The following USH2A variants were observed in gnomAD, a reference collection of about 807,000 sequenced individuals.
USH2A encodes the protein usherin.
USH2A carries 443 observed loss-of-function variants against 538.9 expected under a neutral mutation model. The observed-to-expected ratio is 0.82, with a 90% CI of 0.76 to 0.89. The LOEUF (loss-of-function observed/expected upper bound fraction) is 0.89, where lower values mean the gene tolerates loss of function less well. USH2A is among the 40% of genes least tolerant of loss of function. The pLI, the probability that USH2A is intolerant of heterozygous loss-of-function variation, is 0.00. For missense variants in USH2A, 6,633 were observed against 6,324.8 expected, an observed-to-expected ratio of 1.05 and a Z score of -1.65; for synonymous variants, 2,413 against 2,273.5, an observed-to-expected ratio of 1.06 and a Z score of -1.75.
At chr1:216,175,131 G>A in intron 21 of USH2A, 121 bp downstream of exon 21, 1 of 1,526,446 alleles carries the variant, frequency 6.6e-7, no homozygotes, top group South Asian at 1.2e-5. Flanking sequence ...AGCTATCAAA[G>A]GGCTGAATTA....
At chr1:216,193,568 A>C (rs2102454566) in intron 19 of USH2A, among the ~76,000 whole-genome samples, 1 of 152,178 alleles carries the variant, frequency 6.6e-6, no homozygotes, top group African/African-American at 2.4e-5. Flanking sequence ...TTGCAGATGT[A>C]ATTAATTAGT....
rs563152137 is a variant in USH2A, at chr1:216,316,695, C to G, written c.1644+5188G>C. Among the ~76,000 whole-genome samples the G allele has an allele frequency of 2.0e-5, 3 of 152,092 alleles. No homozygotes were observed. The East Asian group carries it at 5.8e-4, about 29-fold the overall frequency. On this transcript the variant is annotated intron_variant, in intron 9 of 71. Coordinates refer to ENST00000307340, the MANE Select transcript of USH2A (RefSeq NM_206933.4). Reference sequence around the variant, plus strand: ...TAATCGCCATTCTGACTGGCATGAGCTGGTATCTCATTGTGGTTTTGATAT... The same window carrying G: ...TAATCGCCATTCTGACTGGCATGAGGTGGTATCTCATTGTGGTTTTGATAT...
chr1:215,737,781 G>A (rs1027713032), intron 60 of USH2A, among the ~76,000 whole-genome samples: 9 of 151,978 alleles, frequency 5.9e-5, no homozygotes, highest in East Asian at 1.9e-4. Context: ...TTCAATGCTC[G>A]TCTTTTCTTA....
chr1:215,838,949 C>G (rs1663602701), intron 46 of USH2A, among the ~76,000 whole-genome samples: 1 of 152,160 alleles, frequency 6.6e-6, no homozygotes, highest in South Asian at 2.1e-4. Flanking sequence ...GAATCTTAAA[C>G]ATTAATTCCG....
chr1:216,189,322 G>A (rs573601719), intron 20 of USH2A, among the ~76,000 whole-genome samples: 1 of 152,034 alleles, frequency 6.6e-6, no homozygotes, highest in Non-Finnish European at 1.5e-5. Flanking sequence ...AAGGGATTTG[G>A]GGAGGAGGTC....
intron 38 of USH2A, among the ~76,000 whole-genome samples, chr1:215,909,516 G>A (rs1665721794): frequency 1.3e-5 from 2 of 151,916 alleles, no homozygotes; most frequent in African/African-American, 2.4e-5. Flanking sequence ...GGGTATACAC[G>A]TGTGGAGGCA....
intron 60 of USH2A, among the ~76,000 whole-genome samples, chr1:215,730,155 T>C (rs1659951563): frequency 6.6e-6 from 1 of 152,196 alleles, no homozygotes; most frequent in South Asian, 2.1e-4. Flanking sequence ...TGGTGAGTTG[T>C]TGAGACGGCC....
chr1:215,740,821 TC>T (rs1660278865), intron 60 of USH2A, among the ~76,000 whole-genome samples: 1 of 152,130 alleles, frequency 6.6e-6, no homozygotes, highest in African/African-American at 2.4e-5. Context: ...ATGAAATTAT[TC>T]CACCTCAGAT....
At chr1:215,746,056 G>A (rs535674447) in intron 58 of USH2A, among the ~76,000 whole-genome samples, 1 of 142,560 alleles carries the variant, frequency 7.0e-6, no homozygotes, top group Non-Finnish European at 1.6e-5. Flanking sequence ...GTAGGTCCTC[G>A]AATAATGTTG....
chr1:215,943,210 G>C (rs2102433730), intron 37 of USH2A, among the ~76,000 whole-genome samples: 1 of 152,022 alleles, frequency 6.6e-6, no homozygotes, highest in Admixed American at 6.6e-5. Flanking sequence ...GCTAAAGAAA[G>C]GATTGTAACA....
chr1:216,353,233 T>C (rs80150593), intron 4 of USH2A, among the ~76,000 whole-genome samples: 69 of 152,156 alleles, frequency 4.5e-4, no homozygotes, highest in Non-Finnish European at 8.8e-4. Context: ...GGATGAGGAA[T>C]TTTTGGACTC....
chr1:216,376,514 T>C (rs1356534598), intron 3 of USH2A, among the ~76,000 whole-genome samples: 3 of 152,244 alleles, frequency 2.0e-5, no homozygotes, highest in Admixed American at 6.5e-5. Flanking sequence ...ATAAAATGAA[T>C]ATTTAAATGT....
intron 15 of USH2A, among the ~76,000 whole-genome samples, chr1:216,207,873 G>A (rs1337085446): frequency 6.7e-6 from 1 of 150,274 alleles, no homozygotes; most frequent in East Asian, 1.9e-4. Flanking sequence ...TAAGCACAAT[G>A]CTTTATCTTG....
intron 43 of USH2A, among the ~76,000 whole-genome samples, chr1:215,868,229 G>A (rs1292824028): frequency 2.0e-5 from 3 of 152,152 alleles, no homozygotes; most frequent in Admixed American, 6.5e-5. Context: ...GTGGGTAGGT[G>A]CCATTTGCAG....
intron 21 of USH2A, among the ~76,000 whole-genome samples, chr1:216,108,564 T>C (rs1458945637): frequency 1.3e-5 from 2 of 152,018 alleles, no homozygotes; most frequent in African/African-American, 4.8e-5. Flanking sequence ...TGCCTATTTC[T>C]TCTTCCTGGA....
chr1:216,243,752 C>T (rs977743479), intron 13 of USH2A, among the ~76,000 whole-genome samples: 1 of 152,166 alleles, frequency 6.6e-6, no homozygotes, highest in Non-Finnish European at 1.5e-5. Flanking sequence ...CAGTCTGGTA[C>T]ATTTTCTACT....
At chr1:215,824,909 T>G (rs557276057) in intron 47 of USH2A, among the ~76,000 whole-genome samples, 2 of 152,280 alleles carry the variant, frequency 1.3e-5, no homozygotes, top group East Asian at 3.9e-4. Context: ...GCTCGGAGAT[T>G]TTCACTTCTC....
intron 12 of USH2A, among the ~76,000 whole-genome samples, chr1:216,248,595 A>C (rs1420959703): frequency 6.6e-6 from 1 of 152,078 alleles, no homozygotes; most frequent in Non-Finnish European, 1.5e-5. Flanking sequence ...CAAGTTCTTT[A>C]ACAGTGATGA....
chr1:215,781,931 C>T lies in USH2A; in HGVS notation c.10740+111G>A, dbSNP rs372269604. 35 of 1,473,130 alleles carry T rather than the reference C, an allele frequency of 2.4e-5. No homozygotes were observed. The East Asian group carries it at 6.3e-4, about 27-fold the overall frequency. 91.3% of individuals were successfully genotyped at this position (1,473,130 alleles called of 1,614,324 possible). On this transcript the variant is annotated intron_variant, in intron 54 of 71. Coordinates refer to ENST00000307340, the MANE Select transcript of USH2A (RefSeq NM_206933.4). Reference sequence around the variant, plus strand: ...CACATGAACACGCTACTTAACACCACTTTGAGGAGGGACATTGTTTTCTTC... The same window carrying T: ...CACATGAACACGCTACTTAACACCATTTTGAGGAGGGACATTGTTTTCTTC...
Sources: gnomAD v4.1 joint callset for allele counts (sites outside exome capture counted in the v4.1 genomes callset) on GRCh38, gnomAD v4.1.1 for gene constraint, MANE v1.5 for transcripts, NCBI Gene and HGNC (gene_info 2026-07-23, HGNC 2026-07-21) for gene names.